Variants in RFC5 observed in about 807,000 individuals in gnomAD.
RFC5 encodes replication factor C subunit 5, also known as A1 36 kDa subunit.
A neutral mutation model predicts 44.3 loss-of-function variants in RFC5; 26 were observed. That is an observed-to-expected ratio of 0.59 (90% CI 0.43 to 0.81). The LOEUF (loss-of-function observed/expected upper bound fraction) is 0.81, where lower values mean the gene tolerates loss of function less well. Ranked by LOEUF, RFC5 falls within the 40% of genes least tolerant of loss-of-function variation. The probability of loss-of-function intolerance (pLI) is 0.00; values close to 1 mark genes in which losing one functional copy is unlikely to be tolerated. For synonymous variants in RFC5, 155 were observed against 155.2 expected, an observed-to-expected ratio of 1.00 and a Z score of 0.01; for missense variants, 328 against 418.6, an observed-to-expected ratio of 0.78 and a Z score of 1.89.
chr12:118,034,380 T>C (rs771953194), downstream of RFC5: 2 of 1,610,970 alleles, frequency 1.2e-6, no homozygotes, highest in Non-Finnish European at 1.7e-6. Flanking sequence ...CAGAAACCGA[T>C]GCTAAGACAG....
chr12:118,022,292 C>G lies in RFC5; in HGVS notation c.354C>G (p.Gly118=). The G allele has an allele frequency of 3.1e-6, 5 of 1,613,400 alleles. No homozygotes were observed. The highest frequency in any genetic ancestry group is 4.2e-6 in the Non-Finnish European group (5 of 1,179,390). The change falls in exon 5 of 11, where the codon GGC becomes GGG. Residue 118 remains glycine, a synonymous_variant. Coordinates refer to ENST00000454402, the MANE Select transcript of RFC5 (RefSeq NM_007370.7). ...FASTRTIFKK[G]FKLVILDEAD... ...GCACCATTTGTTTTTCTAGGAAAGG[C>G]TTTAAGCTAGTGATCTTGGATGAAG...
intron 4 of RFC5, 105 bp from the exon 5 acceptor site, chr12:118,022,177 TTGTC>T: frequency 1.2e-6 from 1 of 847,102 alleles, no homozygotes; most frequent in South Asian, 1.5e-5. Context: ...CTAGAAGAAA[TTGTC>T]TTTCTGAGAC....
downstream of RFC5, chr12:118,034,890 T>C (rs79381352): frequency 6.7e-3 from 8,101 of 1,212,610 alleles, 403 homozygotes; most frequent in African/African-American, 0.11. Context: ...GCTTTCCTCA[T>C]AGGCAAGAAA....
intron 5 of RFC5, among the ~76,000 whole-genome samples, chr12:118,022,855 T>C (rs2030610040): frequency 6.6e-6 from 1 of 152,192 alleles, no homozygotes; most frequent in South Asian, 2.1e-4. Flanking sequence ...GAAATCTCTA[T>C]GCCTTTCTCT....
At chr12:118,027,683 A>AG (rs2031043826) in intron 8 of RFC5, among the ~76,000 whole-genome samples, 1 of 149,176 alleles carries the variant, frequency 6.7e-6, no homozygotes, top group Admixed American at 6.7e-5. Context: ...AAAAAAAAAA[A>AG]AAAGAAAGAA....
intron 4 of RFC5, among the ~76,000 whole-genome samples, chr12:118,021,299 C>CCT (rs1290024795): frequency 6.6e-6 from 1 of 151,772 alleles, no homozygotes; most frequent in Non-Finnish European, 1.5e-5. Context: ...GCAACCTCCA[C>CCT]CTCCTGGGTT....
Position 118,019,016 on chromosome 12 carries a change from A to G in RFC5, c.66-56A>G. ...GCCTGACCTGCAAGGATTCTTTTGCACATAAAATATTCTTGCATTTATATA... is the reference window on the plus strand; with the variant it reads ...GCCTGACCTGCAAGGATTCTTTTGCGCATAAAATATTCTTGCATTTATATA... On this transcript the variant is annotated intron_variant, in intron 1 of 10. Transcript: ENST00000454402. This position sits in a 1 kb window ranked among gnomAD's most constrained non-coding sequence, Gnocchi z 4.2. 7.6e-7 allele frequency: 1 copy of G among 1,317,438 alleles called. No individual in the cohort carries two copies. The highest frequency in any genetic ancestry group is 1.1e-6 in the Non-Finnish European group (1 of 913,272). The allele number at this position is 1,317,438 out of a possible 1,614,324, so 81.6% of individuals were successfully genotyped here.
downstream of RFC5, chr12:118,035,573 A>C (rs1298681556): frequency 2.2e-6 from 1 of 458,156 alleles, no homozygotes; most frequent in Non-Finnish European, 3.9e-6. Context: ...AAAGTAGGTC[A>C]GCCCTCACTT....
chr12:118,036,269 T>G, downstream of RFC5: 1 of 1,524,140 alleles, frequency 6.6e-7, no homozygotes, highest in Non-Finnish European at 8.9e-7. Flanking sequence ...AAAAGAGACA[T>G]GTCTAATCCC....
Position 118,024,340 on chromosome 12 carries a change from C to CAAA in RFC5, c.422-507_422-505dup, listed in dbSNP as rs369599555. Among the ~76,000 whole-genome samples, 388 of 142,986 alleles carry CAAA rather than the reference C, an allele frequency of 2.7e-3. 4 individuals carry two copies. Among genetic ancestry groups the CAAA allele is most frequent in the African/African-American group, 7.9e-3 (303 of 38,582 alleles). The allele number at this position is 142,986 out of a possible 152,430, so 93.8% of individuals were successfully genotyped here. A position where few individuals can be genotyped will look rare whatever the true frequency, so the allele number is the denominator to read the frequency against. ...TGGGCAACAGAGCGAGACTCTGTTT[C>CAAA]AAAAAAGAAAAAAGAGGAGTGGCTA... On this transcript the variant is annotated intron_variant, in intron 5 of 10. Transcript: ENST00000454402.
In RFC5 at chr12:118,019,093, G is replaced by A. The variant is rs773654233; in HGVS notation, c.87G>A (p.Gln29=). 10 of 1,612,088 alleles carry A rather than the reference G, an allele frequency of 6.2e-6. No homozygotes were observed. In the East Asian group the frequency reaches 2.0e-4, roughly 32 times the overall value. ...TCAGGGTTGAAAAATACCGGCCACA[G>A]ACCCTGAATGATCTCATTTCTCATC... ...NLPWVEKYRP[Q]TLNDLISHQD... Residue 29 remains glutamine (Q), a synonymous_variant, in exon 2 of 11, where the codon CAG becomes CAA. Coordinates refer to ENST00000454402, the MANE Select transcript of RFC5 (RefSeq NM_007370.7). This position sits in a 1 kb window ranked among gnomAD's most constrained non-coding sequence, Gnocchi z 4.2.
downstream of RFC5, chr12:118,032,646 T>G (rs779651889): frequency 1.3e-5 from 2 of 152,136 alleles, no homozygotes; most frequent in Non-Finnish European, 2.9e-5. Context: ...CTCAGCCCCC[T>G]GAGTAGCTGG....
At chr12:118,029,097 T>A (rs1398229773) in intron 9 of RFC5, among the ~76,000 whole-genome samples, 1 of 152,250 alleles carries the variant, frequency 6.6e-6, no homozygotes, top group Non-Finnish European at 1.5e-5. Flanking sequence ...AAACCAACTT[T>A]AAAAAATCAG....
the RFC5 span, among the ~76,000 whole-genome samples, chr12:118,039,743 TA>T: frequency 3.3e-5 from 5 of 151,886 alleles, no homozygotes; most frequent in South Asian, 2.1e-4. Context: ...ATTTCTTTTT[TA>T]TTTTTTTTTA....
intron 8 of RFC5, among the ~76,000 whole-genome samples, chr12:118,027,741 A>G (rs949060298): frequency 6.6e-6 from 1 of 152,160 alleles, no homozygotes; most frequent in Non-Finnish European, 1.5e-5. Context: ...AAGGAGTTAC[A>G]ACTCTATCTT....
intron 9 of RFC5, among the ~76,000 whole-genome samples, chr12:118,028,874 T>A (rs1319813200): frequency 6.6e-6 from 1 of 152,186 alleles, no homozygotes; most frequent in East Asian, 1.9e-4. Context: ...GCATCCGTAT[T>A]CTCTAAGCTC....
rs570491080 is a variant in RFC5 at position 118,029,768 on chromosome 12, C to T, written c.872-3C>T. The T allele has an allele frequency of 3.6e-5, 58 of 1,603,842 alleles. 1 individual carries two copies. The South Asian group carries it at 6.2e-4, about 17-fold the overall frequency. On this transcript the variant is annotated splice_region_variant and splice_polypyrimidine_tract_variant and intron_variant, in intron 9 of 10. Transcript: ENST00000454402. Reference sequence around the variant, plus strand: ...AACTCATTTGATTTTGTTTTTCCCTCAGTTGACTTTCCATCTTCAGTTCGA... The same window carrying T: ...AACTCATTTGATTTTGTTTTTCCCTTAGTTGACTTTCCATCTTCAGTTCGA...
rs1468387387 is a variant in RFC5, at chr12:118,018,985, C to T, written c.66-87C>T. On this transcript the variant is annotated intron_variant, in intron 1 of 10. Transcript: ENST00000454402. ...AAGTGCTGGGATTACAGGCATGAGC[C>T]ACTGTGCCTGACCTGCAAGGATTCT... 4 of 997,834 alleles carry T rather than the reference C, an allele frequency of 4.0e-6. No homozygotes were observed. The African/African-American group carries it at 6.4e-5, about 16-fold the overall frequency. The allele number at this position is 997,834 out of a possible 1,614,324, so 61.8% of individuals were successfully genotyped here.
chr12:118,022,300 T>C lies in RFC5; in HGVS notation c.362T>C (p.Leu121Pro). 3.1e-6 allele frequency: 5 copies of C among 1,613,804 alleles called. No homozygotes were observed. Among genetic ancestry groups the C allele is most frequent in the Non-Finnish European group, 4.2e-6 (5 of 1,179,736 alleles). Residue 121 changes from leucine to proline, a missense_variant, in exon 5 of 11, where the codon CTA becomes CCA. By Grantham distance (98) the Leu-to-Pro change is moderately conservative. Transcript: ENST00000454402. ...TGTTTTTCTAGGAAAGGCTTTAAGC[T>C]AGTGATCTTGGATGAAGCAGACGCC... ...TRTIFKKGFK[L>P]VILDEADAMT...
Sources: allele counts gnomAD v4.1 joint callset (sites outside exome capture counted in the v4.1 genomes callset), GRCh38; gene constraint gnomAD v4.1.1; non-coding constraint Gnocchi (gnomAD v3.1); transcripts MANE v1.5; gene names NCBI Gene and HGNC (gene_info 2026-07-23, HGNC 2026-07-21).